Variants in MCF2L2 observed in about 807,000 individuals in gnomAD.
The protein encoded by MCF2L2 is MCF.2 cell line derived transforming sequence-like 2, also known as probable guanine nucleotide exchange factor MCF2L2.
A neutral mutation model predicts 150.2 loss-of-function variants in MCF2L2; 102 were observed. That is an observed-to-expected ratio of 0.68 (90% CI 0.58 to 0.80). The LOEUF (loss-of-function observed/expected upper bound fraction) is 0.80. Among genes scored for constraint, MCF2L2 ranks in the 30% least tolerant of loss-of-function variants. The pLI, the probability that MCF2L2 is intolerant of heterozygous loss-of-function variation, is 0.00. For missense variants in MCF2L2, 1,256 were observed against 1,372.8 expected (o/e 0.91, Z 1.34); for synonymous variants, 465 against 491.3 (o/e 0.95, Z 0.71).
At chr3:183,366,035 A>C (rs9881651) in intron 3 of MCF2L2, among the ~76,000 whole-genome samples, 1 of 151,852 alleles carries the variant, frequency 6.6e-6, no homozygotes, top group Non-Finnish European at 1.5e-5. Context: ...AATAGAGTTG[A>C]AGGGGAGAAA....
intron 7 of MCF2L2, among the ~76,000 whole-genome samples, chr3:183,317,359 T>C (rs1729643680): frequency 6.6e-6 from 1 of 152,132 alleles, no homozygotes; most frequent in African/African-American, 2.4e-5. Flanking sequence ...GTTCGTTCTG[T>C]TTGTGCTTCT....
intron 7 of MCF2L2, among the ~76,000 whole-genome samples, chr3:183,317,118 C>G (rs1157463357): frequency 6.6e-6 from 1 of 152,202 alleles, no homozygotes; most frequent in East Asian, 1.9e-4. Flanking sequence ...CCTAACTAGA[C>G]TGTGTTCGTT....
At chr3:183,245,297 A>G (rs1460714927) in intron 15 of MCF2L2, among the ~76,000 whole-genome samples, 1 of 152,204 alleles carries the variant, frequency 6.6e-6, no homozygotes, top group African/African-American at 2.4e-5. Flanking sequence ...GAGAAGGTGA[A>G]GTCTGACCTA....
At chr3:183,218,511 T>C (rs1183303122) in intron 21 of MCF2L2, among the ~76,000 whole-genome samples, 3 of 152,090 alleles carry the variant, frequency 2.0e-5, no homozygotes, top group Non-Finnish European at 4.4e-5. Context: ...GGCGGGTGCC[T>C]GTAATCCCAG....
At chr3:183,387,168 G>T (rs895693545) in intron 2 of MCF2L2, among the ~76,000 whole-genome samples, 1 of 151,896 alleles carries the variant, frequency 6.6e-6, no homozygotes, top group African/African-American at 2.4e-5. Context: ...AGGAGGCTGA[G>T]GTAGGAGGAT....
chr3:183,239,245 G>A (rs1423187501), intron 15 of MCF2L2, among the ~76,000 whole-genome samples: 3 of 152,048 alleles, frequency 2.0e-5, no homozygotes, highest in Non-Finnish European at 4.4e-5. Context: ...GTTTACATCC[G>A]GGCACTTTGC....
intron 1 of MCF2L2, chr3:183,400,232 C>T (rs758076312): frequency 4.3e-5 from 13 of 305,138 alleles, no homozygotes; most frequent in East Asian, 8.7e-5. Flanking sequence ...AAACTTGAGA[C>T]GGTACTGCAA....
intron 15 of MCF2L2, chr3:183,272,553 T>C: frequency 1.0e-6 from 1 of 992,626 alleles, no homozygotes; most frequent in Non-Finnish European, 1.2e-6. Context: ...TGAGGCTTGT[T>C]TACATTGCTT....
At chr3:183,295,232 C>A in intron 13 of MCF2L2, 68 bp downstream of exon 13, 2 of 1,464,332 alleles carry the variant, frequency 1.4e-6, no homozygotes, top group Non-Finnish European at 9.2e-7. Context: ...TGTAGACAAC[C>A]AGTCACAGTC....
intron 1 of MCF2L2, among the ~76,000 whole-genome samples, chr3:183,417,821 G>A (rs1715680111): frequency 6.6e-6 from 1 of 152,308 alleles, no homozygotes; most frequent in African/African-American, 2.4e-5. Context: ...TCACAATCAT[G>A]GTGGAAGATG....
Position 183,241,199 on chromosome 3 carries a change from G to A in MCF2L2, c.1863-10182C>T, listed in dbSNP as rs188314476. ...AGTTTAAGCAGAGGTTTTTCTTTAA[G>A]TAAAAAATCAGTTTTTTTAAATAAA... On this transcript the variant is annotated intron_variant, in intron 15 of 29. Coordinates refer to ENST00000328913, the MANE Select transcript of MCF2L2 (RefSeq NM_015078.4). Among the ~76,000 whole-genome samples, 839 of 152,310 alleles carry A rather than the reference G, an allele frequency of 5.5e-3. 7 individuals are homozygous for A. Among genetic ancestry groups the A allele is most frequent in the Non-Finnish European group, 6.9e-3 (470 of 68,024 alleles).
intron 15 of MCF2L2, among the ~76,000 whole-genome samples, chr3:183,249,580 G>A (rs937192938): frequency 3.9e-5 from 6 of 152,276 alleles, no homozygotes; most frequent in Admixed American, 6.5e-5. Flanking sequence ...GGTGAGTGCC[G>A]CCTTGTGCTG....
At chr3:183,220,138 C>A (rs1723093511) in intron 20 of MCF2L2, among the ~76,000 whole-genome samples, 1 of 152,176 alleles carries the variant, frequency 6.6e-6, no homozygotes, top group South Asian at 2.1e-4. Flanking sequence ...ATTTTGTAGA[C>A]TACTTTTTCT....
At position 183,226,046 on chromosome 3, in the gene MCF2L2, T is replaced by C. The variant is rs189792459; in HGVS notation, c.2116-1856A>G. The C allele has an allele frequency of 2.0e-5, 3 of 152,312 alleles. No homozygotes were observed. In the East Asian group the frequency reaches 5.8e-4, roughly 29 times the overall value. 9.4% of individuals were successfully genotyped at this position (152,312 alleles called of 1,614,324 possible). On this transcript the variant is annotated intron_variant, in intron 18 of 29. Coordinates refer to ENST00000328913, the MANE Select transcript of MCF2L2 (RefSeq NM_015078.4). The stretch of plus-strand genomic sequence containing the variant: ...TTCCAGTGCTCTTTCCATTTTACCA[T>C]GTGAGATCTCAGAGTACTTGGAACC...
At chr3:183,180,743 A>T (rs1273553395) in intron 27 of MCF2L2, among the ~76,000 whole-genome samples, 1 of 152,224 alleles carries the variant, frequency 6.6e-6, no homozygotes, top group East Asian at 1.9e-4. Flanking sequence ...CAAATACTGA[A>T]CAACTGCCCT....
chr3:183,234,088 C>G (rs1465755919), intron 15 of MCF2L2, among the ~76,000 whole-genome samples: 1 of 152,164 alleles, frequency 6.6e-6, no homozygotes, highest in East Asian at 1.9e-4. Flanking sequence ...GAAACAACAA[C>G]GGTTTCTATG....
intron 14 of MCF2L2, 56 bp from the exon 15 acceptor site, chr3:183,277,013 A>G (rs1727196969): frequency 8.7e-7 from 1 of 1,151,626 alleles, no homozygotes; most frequent in Non-Finnish European, 1.2e-6. Flanking sequence ...CCTAATCTAT[A>G]TTTTTCTCTC....
At chr3:183,407,150 G>C (rs1207053349) in intron 1 of MCF2L2, among the ~76,000 whole-genome samples, 1 of 152,040 alleles carries the variant, frequency 6.6e-6, no homozygotes, top group Non-Finnish European at 1.5e-5. Context: ...TTATACCTTT[G>C]TCAAAAATCA....
At chr3:183,362,442 G>GA (rs1271746954) in intron 3 of MCF2L2, among the ~76,000 whole-genome samples, 1 of 152,052 alleles carries the variant, frequency 6.6e-6, no homozygotes, top group African/African-American at 2.4e-5. Context: ...AATCTGTACT[G>GA]AAAAAGAGTT....
Sources: allele counts gnomAD v4.1 joint callset (sites outside exome capture counted in the v4.1 genomes callset), GRCh38; gene constraint gnomAD v4.1.1; transcripts MANE v1.5; gene names NCBI Gene and HGNC (gene_info 2026-07-23, HGNC 2026-07-21).